RIT2: variants seen among roughly 807,000 people sequenced by gnomAD.
RIT2 encodes the protein Ras like without CAAX 2, also known as GTP-binding protein Rit2.
RIT2 carries 24 observed loss-of-function variants against 23.7 expected under a neutral mutation model. The ratio of observed to expected loss-of-function variants is 1.01; its 90% CI spans 0.73 to 1.43. The LOEUF (loss-of-function observed/expected upper bound fraction) is 1.43. RIT2 is among the 40% of genes most tolerant of loss of function. The pLI is 0.00. For missense variants in RIT2, 236 were observed against 266.9 expected (o/e 0.88, Z 0.81); for synonymous variants, 107 against 91.1 (o/e 1.17, Z -0.99).
intron 4 of RIT2, among the ~76,000 whole-genome samples, chr18:42,820,873 A>G (rs1220731399): frequency 2.0e-5 from 3 of 152,108 alleles, no homozygotes; most frequent in African/African-American, 7.2e-5. Context: ...GTGATCTGAA[A>G]TTTTGGATGT....
chr18:42,910,197 G>C (rs1908730417), intron 4 of RIT2, among the ~76,000 whole-genome samples: 1 of 152,062 alleles, frequency 6.6e-6, no homozygotes, highest in South Asian at 2.1e-4. Context: ...AATTGAGAAA[G>C]AGAAAGCGAA....
intron 4 of RIT2, among the ~76,000 whole-genome samples, chr18:42,893,164 G>C (rs938216118): frequency 2.8e-5 from 4 of 143,516 alleles, no homozygotes; most frequent in Admixed American, 7.2e-5. Context: ...GAAGGCAGAA[G>C]TTACAGTGAG....
At chr18:42,973,939 T>A in intron 3 of RIT2, 135 bp downstream of exon 3, 1 of 595,310 alleles carries the variant, frequency 1.7e-6, no homozygotes, top group Non-Finnish European at 2.9e-6. Flanking sequence ...CTTTTAAAAT[T>A]TAATTCCTGA....
At chr18:43,104,620 C>A (rs1226151634) in intron 1 of RIT2, among the ~76,000 whole-genome samples, 1 of 151,744 alleles carries the variant, frequency 6.6e-6, no homozygotes, top group Non-Finnish European at 1.5e-5. Flanking sequence ...CAGAATTTGC[C>A]AATATAAAAT....
chr18:42,878,989 T>C (rs1177560507), intron 4 of RIT2, among the ~76,000 whole-genome samples: 1 of 152,152 alleles, frequency 6.6e-6, no homozygotes, highest in Non-Finnish European at 1.5e-5. Flanking sequence ...TTTTGGTCTT[T>C]GTTTATGTTT....
intron 2 of RIT2, among the ~76,000 whole-genome samples, chr18:43,000,974 C>T (rs10451372): frequency 0.96 from 145,871 of 152,110 alleles, 70,219 homozygotes; most frequent in East Asian, 1. Flanking sequence ...ATTGGGAAAG[C>T]AGAAATATCT....
intron 4 of RIT2, among the ~76,000 whole-genome samples, chr18:42,897,612 T>C (rs1474230142): frequency 6.6e-6 from 1 of 152,082 alleles, no homozygotes; most frequent in African/African-American, 2.4e-5. Context: ...AGTATGCCTA[T>C]GGTATTAAAG....
chr18:42,917,254 T>G (rs1045892665), intron 4 of RIT2, among the ~76,000 whole-genome samples: 1 of 152,152 alleles, frequency 6.6e-6, no homozygotes, highest in Non-Finnish European at 1.5e-5. Context: ...CAGGACTATC[T>G]GATTCTTTCA....
At chr18:43,065,835 AGTGG>A (rs1912759299) in intron 1 of RIT2, among the ~76,000 whole-genome samples, 1 of 152,154 alleles carries the variant, frequency 6.6e-6, no homozygotes, top group African/African-American at 2.4e-5. Context: ...GAAAGGTAGA[AGTGG>A]TAGGTGGAAA....
intron 4 of RIT2, among the ~76,000 whole-genome samples, chr18:42,763,062 G>A (rs985670985): frequency 6.6e-6 from 1 of 152,112 alleles, no homozygotes; most frequent in African/African-American, 2.4e-5. Context: ...CTGCAAACCT[G>A]TACATCATAT....
chr18:42,807,477 C>T (rs926030918), intron 4 of RIT2, among the ~76,000 whole-genome samples: 1 of 151,972 alleles, frequency 6.6e-6, no homozygotes, highest in African/African-American at 2.4e-5. Flanking sequence ...ATTAGCTGGA[C>T]ATGGTGGCAG....
chr18:43,097,124 C>T (rs1001641789), intron 1 of RIT2, among the ~76,000 whole-genome samples: 3 of 151,880 alleles, frequency 2.0e-5, no homozygotes, highest in African/African-American at 7.2e-5. Context: ...TAGGGATTCT[C>T]AAACTGCTAT....
At chr18:43,109,768 A>C (rs1296594718) in intron 1 of RIT2, among the ~76,000 whole-genome samples, 5 of 152,176 alleles carry the variant, frequency 3.3e-5, no homozygotes, top group Non-Finnish European at 5.9e-5. Flanking sequence ...AGTTGTGAAT[A>C]ACACTCCCTC....
chr18:42,806,926 G>A (rs1480192196), intron 4 of RIT2, among the ~76,000 whole-genome samples: 1 of 152,198 alleles, frequency 6.6e-6, no homozygotes, highest in African/African-American at 2.4e-5. Flanking sequence ...AGGCTAGCGG[G>A]TTAAAAGAAT....
chr18:43,013,498 T>C (rs892051952), intron 2 of RIT2, among the ~76,000 whole-genome samples: 6 of 151,762 alleles, frequency 4.0e-5, no homozygotes, highest in South Asian at 4.1e-4. Context: ...CTAGTATTTA[T>C]AGATGAGCTT....
At chr18:42,745,361 CT>C (rs1823102308) in intron 4 of RIT2, among the ~76,000 whole-genome samples, 1 of 152,140 alleles carries the variant, frequency 6.6e-6, no homozygotes, top group Non-Finnish European at 1.5e-5. Context: ...ACTTTTTAAA[CT>C]GTTACAACAC....
At chr18:43,064,820 A>T (rs1170649962) in intron 1 of RIT2, among the ~76,000 whole-genome samples, 1 of 151,970 alleles carries the variant, frequency 6.6e-6, no homozygotes, top group African/African-American at 2.4e-5. Context: ...TATTTTTATT[A>T]TTTATTTATT....
At chr18:42,928,063 G>A (rs1320274707) in intron 3 of RIT2, among the ~76,000 whole-genome samples, 1 of 151,846 alleles carries the variant, frequency 6.6e-6, no homozygotes, top group Non-Finnish European at 1.5e-5. Context: ...CCCAGTAAGG[G>A]CACACAGATA....
intron 3 of RIT2, among the ~76,000 whole-genome samples, chr18:42,942,565 G>C (rs554677748): frequency 6.6e-6 from 1 of 152,054 alleles, no homozygotes; most frequent in Non-Finnish European, 1.5e-5. Flanking sequence ...CACCGTCTGC[G>C]TGGAGTTTGC....
Sources: gnomAD v4.1 joint callset for allele counts (sites outside exome capture counted in the v4.1 genomes callset) on GRCh38, gnomAD v4.1.1 for gene constraint, MANE v1.5 for transcripts, NCBI Gene and HGNC (gene_info 2026-07-23, HGNC 2026-07-21) for gene names.